The following CTNND2 variants were observed in gnomAD, a reference collection of about 807,000 sequenced individuals.
CTNND2 encodes the protein catenin delta 2.
A neutral mutation model predicts 144.4 loss-of-function variants in CTNND2; 22 were observed. That is an observed-to-expected ratio of 0.15 (90% CI 0.11 to 0.22). CTNND2 has a LOEUF of 0.22. CTNND2 is among the 10% of genes least tolerant of loss of function. CTNND2 has a pLI of 1.00. For missense variants in CTNND2, 1,353 were observed against 1,618.8 expected (o/e 0.84, Z 2.82); for synonymous variants, 751 against 695.6 (o/e 1.08, Z -1.25).
intron 3 of CTNND2, among the ~76,000 whole-genome samples, chr5:11,485,345 CTGTGTG>C (rs375624492): frequency 1.9e-4 from 29 of 148,826 alleles, no homozygotes; most frequent in South Asian, 1.9e-3. Context: ...GAGACAGAGA[CTGTGTG>C]TGTGTGTGTG....
At chr5:11,843,737 G>A (rs1248583948) in intron 1 of CTNND2, among the ~76,000 whole-genome samples, 2 of 152,088 alleles carry the variant, frequency 1.3e-5, no homozygotes, top group Non-Finnish European at 2.9e-5. Flanking sequence ...TATTAGAAAT[G>A]TTAAATAATT....
intron 1 of CTNND2, among the ~76,000 whole-genome samples, chr5:11,849,281 G>A (rs759454169): frequency 2.0e-5 from 3 of 152,118 alleles, no homozygotes; most frequent in Non-Finnish European, 2.9e-5. Flanking sequence ...CTGCCCCCAT[G>A]ATTCAATTAT....
chr5:11,362,853 A>G (rs1323965866), intron 8 of CTNND2, among the ~76,000 whole-genome samples: 1 of 152,308 alleles, frequency 6.6e-6, no homozygotes, highest in East Asian at 1.9e-4. Context: ...CAAGGGCCAG[A>G]TAGTAAATAT....
chr5:11,513,789 T>C (rs1232632618), intron 3 of CTNND2, among the ~76,000 whole-genome samples: 4 of 152,126 alleles, frequency 2.6e-5, no homozygotes, highest in African/African-American at 7.2e-5. Context: ...CTACACTATA[T>C]AGTATGTGTG....
At chr5:11,857,305 G>T (rs1360147991) in intron 1 of CTNND2, among the ~76,000 whole-genome samples, 2 of 152,094 alleles carry the variant, frequency 1.3e-5, no homozygotes, top group Non-Finnish European at 2.9e-5. Context: ...TCTGGCAGGG[G>T]GAATGTTTGC....
At chr5:11,558,145 C>T (rs182410083) in intron 3 of CTNND2, among the ~76,000 whole-genome samples, 5 of 152,278 alleles carry the variant, frequency 3.3e-5, no homozygotes, top group Admixed American at 3.3e-4. Context: ...CTCAAGACTA[C>T]ATTTTGGAAA....
At chr5:11,179,840 T>C (rs1760830865) in intron 11 of CTNND2, among the ~76,000 whole-genome samples, 1 of 152,208 alleles carries the variant, frequency 6.6e-6, no homozygotes, top group Admixed American at 6.5e-5. Flanking sequence ...GGAAGAACTT[T>C]TGGTTTGGTG....
chr5:11,828,982 G>T (rs1793746386), intron 1 of CTNND2, among the ~76,000 whole-genome samples: 1 of 152,128 alleles, frequency 6.6e-6, no homozygotes, highest in African/African-American at 2.4e-5. Context: ...GGGAACTGAA[G>T]CAAAGGTGAC....
At chr5:11,402,477 T>G (rs1441408694) in intron 5 of CTNND2, among the ~76,000 whole-genome samples, 1 of 152,238 alleles carries the variant, frequency 6.6e-6, no homozygotes, top group Admixed American at 6.5e-5. Flanking sequence ...ATATTCTGTT[T>G]AAATTTCACT....
At chr5:11,222,847 T>C (rs1267871760) in intron 10 of CTNND2, among the ~76,000 whole-genome samples, 1 of 152,050 alleles carries the variant, frequency 6.6e-6, no homozygotes, top group Non-Finnish European at 1.5e-5. Context: ...ACCACTTCCA[T>C]CCTTTCCCCC....
chr5:11,425,882 G>A (rs943816146), intron 3 of CTNND2, among the ~76,000 whole-genome samples: 4 of 152,158 alleles, frequency 2.6e-5, no homozygotes, highest in Admixed American at 6.5e-5. Flanking sequence ...CTTGGAGAGT[G>A]CAGTTCTAGC....
intron 1 of CTNND2, among the ~76,000 whole-genome samples, chr5:11,778,475 G>A (rs1790372968): frequency 6.6e-6 from 1 of 152,162 alleles, no homozygotes; most frequent in Admixed American, 6.5e-5. Context: ...GACAGGATGA[G>A]CCCATAATAT....
rs190853219 is a variant in CTNND2 at position 11,138,731 on chromosome 5, G to A, written c.2159+20845C>T. On this transcript the variant is annotated intron_variant, in intron 12 of 21. Transcript: ENST00000304623. ...CTGATTAATTATTTTTTCTAGAAAA[G>A]TTAGCTTTGCTAGGAGCTACACAAC... Among the ~76,000 whole-genome samples, 24 of 152,292 alleles carry A rather than the reference G, an allele frequency of 1.6e-4. 1 individual carries two copies. Among genetic ancestry groups the A allele is most frequent in the African/African-American group, 4.3e-4 (18 of 41,566 alleles).
chr5:11,352,988 C>T (rs577816106), intron 8 of CTNND2, among the ~76,000 whole-genome samples: 1 of 150,880 alleles, frequency 6.6e-6, no homozygotes, highest in East Asian at 1.9e-4. Context: ...TAGCACTGTG[C>T]ATTTTAGTTG....
intron 5 of CTNND2, among the ~76,000 whole-genome samples, chr5:11,401,372 T>A (rs1760635803): frequency 1.3e-5 from 2 of 152,202 alleles, no homozygotes; most frequent in African/African-American, 4.8e-5. Flanking sequence ...AGACCTTCAA[T>A]TAAAGAATAT....
intron 7 of CTNND2, among the ~76,000 whole-genome samples, chr5:11,369,309 T>C (rs1757252164): frequency 6.6e-6 from 1 of 152,092 alleles, no homozygotes; most frequent in African/African-American, 2.4e-5. Flanking sequence ...AAATAACAAA[T>C]ACCTGCTAAT....
At chr5:11,358,363 T>C (rs1260154688) in intron 8 of CTNND2, among the ~76,000 whole-genome samples, 1 of 152,214 alleles carries the variant, frequency 6.6e-6, no homozygotes, top group Non-Finnish European at 1.5e-5. Flanking sequence ...GGTAAGCATC[T>C]GAAAGTTCTC....
At chr5:11,232,069 T>C (rs1580657352) in intron 10 of CTNND2, among the ~76,000 whole-genome samples, 2 of 152,320 alleles carry the variant, frequency 1.3e-5, no homozygotes, top group African/African-American at 4.8e-5. Context: ...AAGTCAAGAA[T>C]TGAGGTTTGA....
At chr5:11,231,639 G>T (rs74754131) in intron 10 of CTNND2, among the ~76,000 whole-genome samples, 2,689 of 152,302 alleles carry the variant, frequency 0.018, 63 homozygotes, top group Admixed American at 0.048. Flanking sequence ...AACCATCCAA[G>T]AGGAAGCAAA....
Sources: allele counts gnomAD v4.1 joint callset (sites outside exome capture counted in the v4.1 genomes callset), GRCh38; gene constraint gnomAD v4.1.1; transcripts MANE v1.5; gene names NCBI Gene and HGNC (gene_info 2026-07-23, HGNC 2026-07-21).